ASXL3: variants seen among roughly 807,000 people sequenced by gnomAD.
ASXL3 encodes the protein putative Polycomb group protein ASXL3.
ASXL3 carries 34 observed loss-of-function variants against 170.6 expected under a neutral mutation model. The ratio of observed to expected loss-of-function variants is 0.20; its 90% CI spans 0.15 to 0.27. The LOEUF is 0.27. ASXL3 is among the 10% of genes least tolerant of loss of function. The pLI is 1.00. For synonymous variants in ASXL3, 1,002 were observed against 989.1 expected (o/e 1.01, Z -0.24); for missense variants, 2,592 against 2,695.3 (o/e 0.96, Z 0.85).
chr18:33,599,886 G>C (rs1174123007), intron 1 of ASXL3, among the ~76,000 whole-genome samples: 1 of 152,072 alleles, frequency 6.6e-6, no homozygotes, highest in Non-Finnish European at 1.5e-5. Context: ...GATATTGAAA[G>C]ATCTGGAACT....
chr18:33,578,794 G>A, intron 1 of ASXL3, 109 bp downstream of exon 1: 2 of 645,152 alleles, frequency 3.1e-6, no homozygotes, highest in Non-Finnish European at 4.1e-6. Flanking sequence ...GCCGCCGCCC[G>A]CTCGCCGGGC....
intron 2 of ASXL3, among the ~76,000 whole-genome samples, chr18:33,643,376 T>A (rs1194813701): frequency 1.3e-5 from 2 of 151,774 alleles, no homozygotes; most frequent in Non-Finnish European, 3.0e-5. Flanking sequence ...TGAAATGAGG[T>A]CTGCAAACTT....
intron 7 of ASXL3, among the ~76,000 whole-genome samples, chr18:33,683,134 T>C (rs2066540192): frequency 1.3e-5 from 2 of 152,140 alleles, no homozygotes; most frequent in Non-Finnish European, 1.5e-5. Context: ...AATTTTTTTA[T>C]TGGAACCTGG....
At chr18:33,716,517 C>T (rs1276704124) in intron 8 of ASXL3, among the ~76,000 whole-genome samples, 2 of 152,034 alleles carry the variant, frequency 1.3e-5, no homozygotes, top group Non-Finnish European at 2.9e-5. Context: ...ATAGGTGTTT[C>T]GAAAGTCAGA....
chr18:33,592,088 T>G (rs2065083368), intron 1 of ASXL3, among the ~76,000 whole-genome samples: 1 of 152,178 alleles, frequency 6.6e-6, no homozygotes, highest in Non-Finnish European at 1.5e-5. Context: ...GTATGAAATT[T>G]TATCTTTTAT....
rs544021941 is a variant in ASXL3, at chr18:33,653,615, C to A, written c.355+7262C>A. On this transcript the variant is annotated intron_variant, in intron 4 of 11. Coordinates refer to ENST00000269197, the MANE Select transcript of ASXL3 (RefSeq NM_030632.3). ...TTCTCCTTTCTTTTATTCCAGCCCC[C>A]AGATTATACAGTTCACAAGAAGTGT... is the stretch of plus-strand genomic sequence containing the variant. 2.6e-5 allele frequency among the ~76,000 whole-genome samples: 4 copies of A among 152,158 alleles called. No homozygotes were observed. In the East Asian group the frequency reaches 7.8e-4, roughly 29 times the overall value.
At chr18:33,730,024 A>AGC (rs2067417043) in intron 8 of ASXL3, among the ~76,000 whole-genome samples, 1 of 152,162 alleles carries the variant, frequency 6.6e-6, no homozygotes. Flanking sequence ...AATGAATAAT[A>AGC]CAAAGTAACC....
intron 2 of ASXL3, among the ~76,000 whole-genome samples, chr18:33,639,077 C>T (rs2065810488): frequency 6.6e-6 from 1 of 152,004 alleles, no homozygotes; most frequent in Non-Finnish European, 1.5e-5. Flanking sequence ...AATTTCTTTC[C>T]ATTTGTCATT....
rs1357732290 is a variant in ASXL3, at chr18:33,744,841, G to A, written c.4993G>A (p.Ala1665Thr). ...TCCCAGGAATCTTGTAACAAATGTT[G>A]CTCTTCCTGTGAAATCTGAACTTCA... Reference protein sequence around the residue: ...LHPRNLVTNVALPVKSELHEA... With the variant: ...LHPRNLVTNVTLPVKSELHEA... Residue 1665 changes from alanine to threonine, a missense_variant, in exon 12 of 12, where the codon GCT becomes ACT. Physicochemically the swap from Ala to Thr is moderately conservative, Grantham distance 58 (BLOSUM62 0). Coordinates refer to ENST00000269197, the MANE Select transcript of ASXL3 (RefSeq NM_030632.3). 6.2e-7 allele frequency: 1 copy of A among 1,613,996 alleles called. No individual in the cohort carries two copies. The highest frequency in any genetic ancestry group is 8.5e-7 in the Non-Finnish European group (1 of 1,179,882).
intron 8 of ASXL3, among the ~76,000 whole-genome samples, chr18:33,714,601 T>C (rs1004083777): frequency 1.3e-5 from 2 of 152,162 alleles, no homozygotes; most frequent in Non-Finnish European, 1.5e-5. Context: ...CTCTCGTATT[T>C]CCCATAAGAA....
intron 8 of ASXL3, among the ~76,000 whole-genome samples, chr18:33,712,426 A>G (rs2067083190): frequency 6.6e-6 from 1 of 152,236 alleles, no homozygotes; most frequent in South Asian, 2.1e-4. Context: ...CTGAAAATAA[A>G]GATGAGATAT....
chr18:33,584,094 C>T lies in ASXL3; in HGVS notation c.54+5409C>T, dbSNP rs139864169. 5.1e-3 allele frequency among the ~76,000 whole-genome samples: 769 copies of T among 152,216 alleles called. 6 individuals are homozygous for T. The highest frequency in any genetic ancestry group is 0.017 in the African/African-American group (709 of 41,540). On this transcript the variant is annotated intron_variant, in intron 1 of 11. Transcript: ENST00000269197. ...TGTGGTATGTGGTGATTGTGGAATG[C>T]TCAATGGATTAGGTGAAACTTGGTT...
rs967367864 is a variant in ASXL3, at chr18:33,743,887, G to A, written c.4039G>A (p.Gly1347Arg). Residue 1347 changes from glycine (G) to arginine (R), a missense_variant, in exon 12 of 12, where the codon GGA becomes AGA. Physicochemically the swap from Gly to Arg is moderately radical, Grantham distance 125. Coordinates refer to ENST00000269197, the MANE Select transcript of ASXL3 (RefSeq NM_030632.3). ...QYTSVPTPSI[G>R]NNLPNLSTSS... Reference sequence around the variant, plus strand: ...CACCTCTGTGCCAACTCCCTCCATCGGAAACAATTTGCCAAACCTCTCCAC... The same window carrying A: ...CACCTCTGTGCCAACTCCCTCCATCAGAAACAATTTGCCAAACCTCTCCAC... 1.1e-5 allele frequency: 17 copies of A among 1,613,794 alleles called. No individual in the cohort carries two copies. Among genetic ancestry groups the A allele is most frequent in the African/African-American group, 1.3e-5 (1 of 74,896 alleles).
At chr18:33,706,064 A>G (rs186434247) in intron 8 of ASXL3, among the ~76,000 whole-genome samples, 3 of 148,250 alleles carry the variant, frequency 2.0e-5, no homozygotes, top group Non-Finnish European at 1.5e-5. Flanking sequence ...GCTGTGTAGT[A>G]TTTCCATTGA....
Position 33,739,148 on chromosome 18 carries a change from C to G in ASXL3, c.1744C>G (p.Gln582Glu). The G allele has an allele frequency of 6.2e-7, 1 of 1,613,634 alleles. No individual in the cohort carries two copies. The highest frequency in any genetic ancestry group is 1.3e-5 in the African/African-American group (1 of 75,034). Residue 582 changes from glutamine to glutamate, a missense_variant, in exon 11 of 12, where the codon CAG becomes GAG. Transcript: ENST00000269197. ...AACAGGGTCATCTTCTCTAGAAGGCCAGTTTCCAAATGAAGGAATTGCTAT... is the reference window on the plus strand; with the variant it reads ...AACAGGGTCATCTTCTCTAGAAGGCGAGTTTCCAAATGAAGGAATTGCTAT... ...IKTGSSSLEG[Q>E]FPNEGIAIDM...
At chr18:33,657,202 C>G (rs2066098029) in intron 4 of ASXL3, among the ~76,000 whole-genome samples, 1 of 151,982 alleles carries the variant, frequency 6.6e-6, no homozygotes, top group Non-Finnish European at 1.5e-5. Flanking sequence ...TTTGGACTGC[C>G]AAGATGAGTT....
At chr18:33,599,115 G>T (rs1246650046) in intron 1 of ASXL3, among the ~76,000 whole-genome samples, 1 of 152,130 alleles carries the variant, frequency 6.6e-6, no homozygotes, top group Non-Finnish European at 1.5e-5. Flanking sequence ...AAATACAAGA[G>T]TGTATTGTTA....
chr18:33,707,111 G>A (rs1941704), intron 8 of ASXL3, among the ~76,000 whole-genome samples: 106,649 of 151,528 alleles, frequency 0.7, 39,136 homozygotes, highest in East Asian at 0.98. Context: ...CTGTTTGTCT[G>A]TCCTTACACC....
intron 4 of ASXL3, among the ~76,000 whole-genome samples, chr18:33,654,848 ATATAT>A (rs2066058643): frequency 6.6e-6 from 1 of 152,032 alleles, no homozygotes; most frequent in African/African-American, 2.4e-5. Flanking sequence ...TTCCTACTAA[ATATAT>A]TTATTTTTGG....
Sources: allele counts gnomAD v4.1 joint callset (sites outside exome capture counted in the v4.1 genomes callset), GRCh38; gene constraint gnomAD v4.1.1; transcripts MANE v1.5; gene names NCBI Gene and HGNC (gene_info 2026-07-23, HGNC 2026-07-21).